STARD13: variants seen among roughly 807,000 people sequenced by gnomAD.
The protein encoded by STARD13 is StAR related lipid transfer domain containing 13.
A neutral mutation model predicts 106.4 loss-of-function variants in STARD13; 62 were observed. That is an observed-to-expected ratio of 0.58 (90% CI 0.48 to 0.72). STARD13 has a LOEUF of 0.72. Among genes scored for constraint, STARD13 ranks in the 30% least tolerant of loss-of-function variants. The probability of loss-of-function intolerance (pLI) is 0.00; values close to 1 mark genes in which losing one functional copy is unlikely to be tolerated. For missense variants in STARD13, 1,387 were observed against 1,424.0 expected, an observed-to-expected ratio of 0.97 and a Z score of 0.42; for synonymous variants, 565 against 553.0, an observed-to-expected ratio of 1.02 and a Z score of -0.31.
chr13:33,421,892 A>T, the STARD13 span, among the ~76,000 whole-genome samples: 2 of 152,216 alleles, frequency 1.3e-5, no homozygotes, highest in East Asian at 3.9e-4. Context: ...ACAAAATTCA[A>T]CTTCCCTTCA....
the STARD13 span, among the ~76,000 whole-genome samples, chr13:33,363,349 C>T: frequency 6.6e-6 from 1 of 152,312 alleles, no homozygotes; most frequent in East Asian, 1.9e-4. Flanking sequence ...ACCCCTCTAT[C>T]TAGTCTTATA....
chr13:33,200,704 A>T (rs1479533322), intron 1 of STARD13, among the ~76,000 whole-genome samples: 2 of 152,228 alleles, frequency 1.3e-5, no homozygotes, highest in African/African-American at 4.8e-5. Context: ...CACATGGAAC[A>T]CAACTGAACA....
At chr13:33,135,930 C>T (rs1484407864) in intron 4 of STARD13, among the ~76,000 whole-genome samples, 1 of 152,132 alleles carries the variant, frequency 6.6e-6, no homozygotes, top group Non-Finnish European at 1.5e-5. Flanking sequence ...TGAGACCAGC[C>T]TGACCAACAT....
At chr13:33,668,758 G>A in the STARD13 span, among the ~76,000 whole-genome samples, 1 of 152,180 alleles carries the variant, frequency 6.6e-6, no homozygotes, top group African/African-American at 2.4e-5. Context: ...TACAGGGATG[G>A]TTGGCTAGTC....
chr13:33,564,206 C>CAAAAA, the STARD13 span, among the ~76,000 whole-genome samples: 298 of 51,540 alleles, frequency 5.8e-3, no homozygotes, highest in Middle Eastern at 0.019. Flanking sequence ...GACTGTATCT[C>CAAAAA]AAAAAAAAAA....
At chr13:33,523,918 G>C in the STARD13 span, among the ~76,000 whole-genome samples, 1 of 152,190 alleles carries the variant, frequency 6.6e-6, no homozygotes, top group Admixed American at 6.6e-5. Flanking sequence ...TGCATTTGCA[G>C]CATAAGTTTT....
At chr13:33,454,996 T>C in the STARD13 span, among the ~76,000 whole-genome samples, 1 of 152,220 alleles carries the variant, frequency 6.6e-6, no homozygotes, top group South Asian at 2.1e-4. Context: ...TTCCCAACTG[T>C]CCAGAAGGAT....
At chr13:33,157,867 G>T (rs981898111) in intron 3 of STARD13, among the ~76,000 whole-genome samples, 2 of 152,134 alleles carry the variant, frequency 1.3e-5, no homozygotes, top group African/African-American at 2.4e-5. Context: ...TAACACCTTG[G>T]CTATCCCTAC....
chr13:33,430,619 C>CA, the STARD13 span, among the ~76,000 whole-genome samples: 4 of 152,176 alleles, frequency 2.6e-5, no homozygotes, highest in Admixed American at 6.5e-5. Context: ...AAGATATCTG[C>CA]AGTCCCATGT....
chr13:33,479,487 G>A, the STARD13 span, among the ~76,000 whole-genome samples: 1 of 152,178 alleles, frequency 6.6e-6, no homozygotes, highest in African/African-American at 2.4e-5. Flanking sequence ...GTCAGCAAAG[G>A]ACTGCTTGGA....
In STARD13 at chr13:33,119,417, C is replaced by A. The variant is rs139075604; in HGVS notation, c.2083-1154G>T. 6.6e-4 allele frequency among the ~76,000 whole-genome samples: 101 copies of A among 152,244 alleles called. 1 individual carries two copies. In the Middle Eastern group the frequency reaches 0.017, roughly 26 times the overall value. ...TCAGCCACTGCTCATCCCCCCTATA[C>A]CTGGAGGAAAGCCTAATACAGGTCG... On this transcript the variant is annotated intron_variant, in intron 7 of 13. Coordinates refer to ENST00000336934, the MANE Select transcript of STARD13 (RefSeq NM_178006.4).
At chr13:33,617,184 A>G in the STARD13 span, among the ~76,000 whole-genome samples, 1 of 152,162 alleles carries the variant, frequency 6.6e-6, no homozygotes, top group East Asian at 1.9e-4. Flanking sequence ...TCATAATTTG[A>G]TCACTTAGTT....
the STARD13 span, among the ~76,000 whole-genome samples, chr13:33,507,487 TG>T: frequency 6.6e-6 from 1 of 152,174 alleles, no homozygotes; most frequent in Non-Finnish European, 1.5e-5. Context: ...AGTAGCTCTT[TG>T]GGGTCCTTAA....
chr13:33,398,557 T>G, the STARD13 span, among the ~76,000 whole-genome samples: 1 of 152,064 alleles, frequency 6.6e-6, no homozygotes, highest in Non-Finnish European at 1.5e-5. Context: ...AGTACATATA[T>G]CTGAAGATAT....
the STARD13 span, among the ~76,000 whole-genome samples, chr13:33,565,765 G>A: frequency 8.1e-5 from 12 of 148,218 alleles, no homozygotes; most frequent in Non-Finnish European, 1.6e-4. Context: ...TCAGCCAATG[G>A]CCAGGAACTT....
chr13:33,483,255 C>A, the STARD13 span, among the ~76,000 whole-genome samples: 20 of 152,230 alleles, frequency 1.3e-4, no homozygotes, highest in African/African-American at 4.6e-4. Context: ...GTGGTCCAAA[C>A]TTACAGTGGT....
chr13:33,676,278 T>C, the STARD13 span, among the ~76,000 whole-genome samples: 1 of 152,154 alleles, frequency 6.6e-6, no homozygotes, highest in Non-Finnish European at 1.5e-5. Context: ...TGCCATTTGG[T>C]TACAGTTGCA....
At chr13:33,452,445 A>C in the STARD13 span, among the ~76,000 whole-genome samples, 1 of 152,166 alleles carries the variant, frequency 6.6e-6, no homozygotes, top group African/African-American at 2.4e-5. Flanking sequence ...TCATGCTTAA[A>C]TACTGCCTCC....
intron 1 of STARD13, among the ~76,000 whole-genome samples, chr13:33,298,539 G>A (rs538023902): frequency 2.8e-4 from 43 of 151,670 alleles, no homozygotes; most frequent in African/African-American, 7.7e-4. Flanking sequence ...CACCTTTACG[G>A]CTTACTATGT....
Sources: gnomAD v4.1 joint callset for allele counts (sites outside exome capture counted in the v4.1 genomes callset) on GRCh38, gnomAD v4.1.1 for gene constraint, MANE v1.5 for transcripts, NCBI Gene and HGNC (gene_info 2026-07-23, HGNC 2026-07-21) for gene names.